Variants in GRIP2 observed in about 807,000 individuals in gnomAD.
The protein encoded by GRIP2 is glutamate receptor-interacting protein 2.
Under a neutral mutation model 108.3 loss-of-function variants are expected in GRIP2, and 58 were observed. That is an observed-to-expected ratio of 0.54 (90% CI 0.43 to 0.67). The LOEUF (loss-of-function observed/expected upper bound fraction) is 0.67, where lower values mean the gene tolerates loss of function less well. Among genes scored for constraint, GRIP2 ranks in the 30% least tolerant of loss-of-function variants. GRIP2 has a pLI of 0.00. For missense variants in GRIP2, 1,278 were observed against 1,430.6 expected (o/e 0.89, Z 1.72); for synonymous variants, 586 against 598.2 (o/e 0.98, Z 0.30).
Position 14,523,701 on chromosome 3 carries a change from G to A in GRIP2, c.404-3C>T. 1 of 1,603,536 alleles carries A rather than the reference G, an allele frequency of 6.2e-7. No homozygotes were observed. Among genetic ancestry groups the A allele is most frequent in the Non-Finnish European group, 8.5e-7 (1 of 1,173,264 alleles). ...GATCCTGGGGTTATTCTCAGGAGCT[G>A]GGGAGAAATGGAGGACTCCTTTGAG... On this transcript the variant is annotated splice_polypyrimidine_tract_variant and splice_region_variant and intron_variant, in intron 4 of 23. Coordinates refer to ENST00000621039, the MANE Select transcript of GRIP2 (RefSeq NM_001080423.4).
At chr3:14,535,961 G>A (rs573551474) in intron 1 of GRIP2, among the ~76,000 whole-genome samples, 16 of 152,208 alleles carry the variant, frequency 1.1e-4, no homozygotes, top group Non-Finnish European at 2.2e-4. Context: ...GCCAGTTACA[G>A]GCTGACCTCT....
At chr3:14,523,430 A>G (rs1694466847) in intron 5 of GRIP2, 182 bp downstream of exon 5, 4 of 598,842 alleles carry the variant, frequency 6.7e-6, no homozygotes, top group African/African-American at 3.7e-5. Context: ...ACTCTCCCCA[A>G]CCAAGCCTAC....
chr3:14,522,969 C>A lies in GRIP2; in HGVS notation c.566+31G>T, dbSNP rs758463662. 37 of 1,592,582 alleles carry A rather than the reference C, an allele frequency of 2.3e-5. No homozygotes were observed. The highest frequency in any genetic ancestry group is 1.9e-4 in the African/African-American group (14 of 74,534). On this transcript the variant is annotated intron_variant, in intron 6 of 23. Transcript: ENST00000621039. The surrounding 1 kb of genome is among the most constrained non-coding windows in gnomAD (Gnocchi z 4.3). ...GCAGGGGAGTTGGGGCAGGTCAGTGCAGTGTGTGGATTTCTTCTGCCTCGG... is the reference window on the plus strand; with the variant it reads ...GCAGGGGAGTTGGGGCAGGTCAGTGAAGTGTGTGGATTTCTTCTGCCTCGG...
chr3:14,566,574 G>C, the GRIP2 span, among the ~76,000 whole-genome samples: 1 of 152,166 alleles, frequency 6.6e-6, no homozygotes, highest in African/African-American at 2.4e-5. Flanking sequence ...TCAGAGTCAG[G>C]GTGGGGACAG....
At chr3:14,550,084 A>G (rs1295446016) in intron 1 of GRIP2, among the ~76,000 whole-genome samples, 1 of 152,144 alleles carries the variant, frequency 6.6e-6, no homozygotes, top group Non-Finnish European at 1.5e-5. Context: ...GGCCCTGGCA[A>G]CGACCACATG....
At chr3:14,565,335 G>T in the GRIP2 span, among the ~76,000 whole-genome samples, 1 of 152,220 alleles carries the variant, frequency 6.6e-6, no homozygotes, top group Non-Finnish European at 1.5e-5. Context: ...CAGAGTCAGG[G>T]CTTGAACTCA....
chr3:14,548,052 C>T (rs982827785), intron 1 of GRIP2, among the ~76,000 whole-genome samples: 1 of 152,086 alleles, frequency 6.6e-6, no homozygotes, highest in African/African-American at 2.4e-5. Flanking sequence ...GAGGAGGAGT[C>T]CAGGAAAGCT....
At chr3:14,541,919 C>G (rs774549899), upstream of GRIP2, 27 of 1,345,034 alleles carry the variant, frequency 2.0e-5, no homozygotes, top group African/African-American at 3.0e-5. Flanking sequence ...AGAGGCTCGC[C>G]ATGAAGACCC....
intron 10 of GRIP2, 140 bp from the exon 11 acceptor site, chr3:14,517,353 C>T (rs530120343): frequency 1.6e-4 from 136 of 857,560 alleles, no homozygotes; most frequent in Non-Finnish European, 2.1e-4. Context: ...ATTGTGTGAC[C>T]TCAGGCAAGT....
chr3:14,564,542 T>G, the GRIP2 span, among the ~76,000 whole-genome samples: 1 of 152,210 alleles, frequency 6.6e-6, no homozygotes, highest in Non-Finnish European at 1.5e-5. Context: ...TCAGTAAGTA[T>G]AGTATCACAC....
At chr3:14,498,796 T>C (rs1008132973) in intron 21 of GRIP2, among the ~76,000 whole-genome samples, 2 of 152,162 alleles carry the variant, frequency 1.3e-5, no homozygotes, top group South Asian at 4.1e-4. Flanking sequence ...AGATGATAGA[T>C]TTCAATTTGT....
chr3:14,580,071 C>T, the GRIP2 span, among the ~76,000 whole-genome samples: 2 of 152,342 alleles, frequency 1.3e-5, no homozygotes, highest in East Asian at 3.9e-4. Flanking sequence ...TGCCAGGGCA[C>T]TCAGAGAACT....
the GRIP2 span, among the ~76,000 whole-genome samples, chr3:14,584,844 C>T: frequency 2.0e-5 from 3 of 152,196 alleles, no homozygotes; most frequent in African/African-American, 7.2e-5. Flanking sequence ...ATAGACCCTG[C>T]CTCACTGCCT....
chr3:14,588,334 C>A, the GRIP2 span, among the ~76,000 whole-genome samples: 13 of 152,306 alleles, frequency 8.5e-5, no homozygotes, highest in East Asian at 2.3e-3. Context: ...GTGTGAGGAA[C>A]CCCGGCCTCC....
intron 1 of GRIP2, among the ~76,000 whole-genome samples, chr3:14,532,186 C>CG (rs1694725704): frequency 6.6e-6 from 1 of 152,240 alleles, no homozygotes; most frequent in African/African-American, 2.4e-5. Flanking sequence ...CACGCGCCCT[C>CG]CCATCCTCAG....
chr3:14,512,719 T>C lies in GRIP2; in HGVS notation c.1720+58A>G. ...ATGCTGGTCTGAGCTTGGCAAGCTCTTTTTCCCCAGCAGTTGAGCTCGCTC... is the reference window on the plus strand; with the variant it reads ...ATGCTGGTCTGAGCTTGGCAAGCTCCTTTTCCCCAGCAGTTGAGCTCGCTC... On this transcript the variant is annotated intron_variant, in intron 14 of 23. Coordinates refer to ENST00000621039, the MANE Select transcript of GRIP2 (RefSeq NM_001080423.4). This position sits in a 1 kb window ranked among gnomAD's most constrained non-coding sequence, Gnocchi z 5.1. The C allele has an allele frequency of 2.7e-6, 4 of 1,507,510 alleles. No individual in the cohort carries two copies. Among genetic ancestry groups the C allele is most frequent in the South Asian group, 2.3e-5 (2 of 86,970 alleles). The allele number at this position is 1,507,510 out of a possible 1,614,324, so 93.4% of individuals were successfully genotyped here. A position where few individuals can be genotyped will look rare whatever the true frequency, so the allele number is the denominator to read the frequency against.
chr3:14,538,089 G>T (rs999930980), intron 1 of GRIP2, among the ~76,000 whole-genome samples: 4 of 152,020 alleles, frequency 2.6e-5, no homozygotes, highest in Middle Eastern at 3.4e-3. Context: ...GGCCTGAGAA[G>T]GGACCCACCC....
chr3:14,536,414 T>A (rs745365077), intron 1 of GRIP2, among the ~76,000 whole-genome samples: 1 of 152,106 alleles, frequency 6.6e-6, no homozygotes, highest in Non-Finnish European at 1.5e-5. Flanking sequence ...CTCTGCTCTT[T>A]CCCTCCAAAC....
At chr3:14,506,775 C>G in intron 19 of GRIP2, 26 bp downstream of exon 19, 1 of 1,556,236 alleles carries the variant, frequency 6.4e-7, no homozygotes, top group Non-Finnish European at 8.7e-7. Flanking sequence ...GAGCGTGCCA[C>G]TTGTCCAAGG....
Sources: allele counts gnomAD v4.1 joint callset (sites outside exome capture counted in the v4.1 genomes callset), GRCh38; gene constraint gnomAD v4.1.1; non-coding constraint Gnocchi (gnomAD v3.1); transcripts MANE v1.5; gene names NCBI Gene and HGNC (gene_info 2026-07-23, HGNC 2026-07-21).